The following DKK4 variants were observed in gnomAD, a reference collection of about 807,000 sequenced individuals.
The protein encoded by DKK4 is dickkopf Wnt signaling pathway inhibitor 4.
DKK4 carries 15 observed loss-of-function variants against 14.5 expected under a neutral mutation model. The observed-to-expected ratio is 1.03, with a 90% CI of 0.69 to 1.59. DKK4 has a LOEUF of 1.59. Ranked by LOEUF, DKK4 falls within the 40% of genes most tolerant of loss-of-function variation. DKK4 has a pLI of 0.00. For synonymous variants in DKK4, 89 were observed against 105.2 expected, an observed-to-expected ratio of 0.85 and a Z score of 0.94; for missense variants, 272 against 280.3, an observed-to-expected ratio of 0.97 and a Z score of 0.21.
At chr8:42,379,183 C>T (rs1031856494), upstream of DKK4, among the ~76,000 whole-genome samples, 6 of 147,542 alleles carry the variant, frequency 4.1e-5, no homozygotes, top group East Asian at 4.0e-4. Flanking sequence ...CCTAGGAGAC[C>T]GAGGTTGCAG....
chr8:42,388,519 C>T, the DKK4 span, among the ~76,000 whole-genome samples: 3 of 150,988 alleles, frequency 2.0e-5, no homozygotes, highest in Admixed American at 6.6e-5. Flanking sequence ...TGCAAGGCAC[C>T]GCACCTGGTC....
the DKK4 span, among the ~76,000 whole-genome samples, chr8:42,388,715 C>A: frequency 6.6e-6 from 1 of 151,524 alleles, no homozygotes; most frequent in Admixed American, 6.6e-5. Flanking sequence ...GGACTACAGG[C>A]GCACACCACC....
At chr8:42,384,779 C>CT in the DKK4 span, among the ~76,000 whole-genome samples, 3 of 152,154 alleles carry the variant, frequency 2.0e-5, no homozygotes, top group African/African-American at 7.2e-5. Context: ...CACAAGAATT[C>CT]TGGTTTCAAA....
chr8:42,386,414 A>G, the DKK4 span, among the ~76,000 whole-genome samples: 1 of 152,182 alleles, frequency 6.6e-6, no homozygotes, highest in Non-Finnish European at 1.5e-5. Flanking sequence ...ACCCATGGCT[A>G]TACCACAACC....
At chr8:42,374,707 TG>T in intron 3 of DKK4, 53 bp downstream of exon 3, 1 of 1,609,094 alleles carries the variant, frequency 6.2e-7, no homozygotes, top group Non-Finnish European at 8.5e-7. Flanking sequence ...CTTAAGAGGC[TG>T]GGAGGAGAAA....
At chr8:42,385,522 C>CT in the DKK4 span, among the ~76,000 whole-genome samples, 25 of 152,266 alleles carry the variant, frequency 1.6e-4, no homozygotes, top group African/African-American at 5.5e-4. Flanking sequence ...GGGTGAGGCT[C>CT]TGGGGACACA....
chr8:42,386,067 T>C, the DKK4 span, among the ~76,000 whole-genome samples: 7 of 152,308 alleles, frequency 4.6e-5, no homozygotes, highest in South Asian at 4.1e-4. Flanking sequence ...CTCCCCGGAT[T>C]GGAGGTATAC....
chr8:42,380,661 A>G (rs1328878793), upstream of DKK4, among the ~76,000 whole-genome samples: 2 of 149,032 alleles, frequency 1.3e-5, no homozygotes, highest in Non-Finnish European at 3.0e-5. Context: ...AAAGGAAGGA[A>G]GAAAGGAAGA....
chr8:42,389,660 T>C, the DKK4 span, among the ~76,000 whole-genome samples: 11 of 152,218 alleles, frequency 7.2e-5, no homozygotes, highest in Admixed American at 7.2e-4. Context: ...TCTCTTTTTA[T>C]TTCAAAAAAA....
chr8:42,381,672 G>A (rs1465578701), upstream of DKK4, among the ~76,000 whole-genome samples: 1 of 152,110 alleles, frequency 6.6e-6, no homozygotes, highest in Non-Finnish European at 1.5e-5. Flanking sequence ...AAACCCCACT[G>A]CAATTGCCTA....
the DKK4 span, among the ~76,000 whole-genome samples, chr8:42,391,217 G>C: frequency 2.0e-5 from 3 of 151,934 alleles, no homozygotes; most frequent in African/African-American, 7.3e-5. Context: ...CTTGAAGTCT[G>C]GTCAGTCTGA....
At chr8:42,383,759 A>G in the DKK4 span, among the ~76,000 whole-genome samples, 43 of 152,228 alleles carry the variant, frequency 2.8e-4, no homozygotes, top group Non-Finnish European at 4.4e-4. Context: ...ACTGGCCAAC[A>G]TGGCGAAACC....
rs1824528963 is a variant in DKK4 at position 42,374,900 on chromosome 8, C to T, written c.276G>A (p.Thr92=). The T allele has an allele frequency of 2.5e-6, 4 of 1,614,138 alleles. No homozygotes were observed. The highest frequency in any genetic ancestry group is 1.3e-5 in the African/African-American group (1 of 75,030). ...GTLCVNDVCT[T]MEDATPILER... is the part of the protein sequence containing the mutation. The stretch of plus-strand genomic sequence containing the variant: ...CTAATATTGGGGTTGCATCTTCCAT[C>T]GTAGTACAAACATCTGAGGGACAAC... The change falls in exon 3 of 4, where the codon ACG becomes ACA. Residue 92 remains threonine (T), a synonymous_variant. Coordinates refer to ENST00000220812, the MANE Select transcript of DKK4 (RefSeq NM_014420.3).
At chr8:42,378,045 G>A (rs1824596041), upstream of DKK4, among the ~76,000 whole-genome samples, 1 of 152,148 alleles carries the variant, frequency 6.6e-6, no homozygotes, top group East Asian at 1.9e-4. Context: ...GAAATTTCAT[G>A]TATTTCCAAT....
chr8:42,377,037 C>T lies in DKK4; in HGVS notation c.9G>A (p.Ala3=), dbSNP rs373208637. Residue 3 remains alanine (A), a synonymous_variant, in exon 1 of 4, where the codon GCG becomes GCA. Coordinates refer to ENST00000220812, the MANE Select transcript of DKK4 (RefSeq NM_014420.3). The stretch of plus-strand genomic sequence containing the variant: ...GCCAGCTCAGCCCCAGCAGGACGGC[C>T]GCCACCATCCTTCAATCCCGGGGCT... MV[A]AVLLGLSWLC... 8.7e-6 allele frequency: 14 copies of T among 1,612,492 alleles called. No homozygotes were observed. The highest frequency in any genetic ancestry group is 5.0e-5 in the Admixed American group (3 of 59,986).
the DKK4 span, among the ~76,000 whole-genome samples, chr8:42,386,746 C>T: frequency 6.6e-6 from 1 of 152,202 alleles, no homozygotes; most frequent in Non-Finnish European, 1.5e-5. Flanking sequence ...GCCTCAACTT[C>T]CTGAGGTGCT....
Position 42,375,688 on chromosome 8 carries a change from C to CA in DKK4, c.253dup (p.Cys85LeufsTer21). ...GGCGTTATGTCGCTCACCGTTCACA[C>CA]AGAGTGTCCCAGGGCAGCACATGGC... On this transcript the variant is annotated frameshift_variant, in exon 2 of 4. Coordinates refer to ENST00000220812, the MANE Select transcript of DKK4 (RefSeq NM_014420.3). LOFTEE classifies it high-confidence loss of function. 6.2e-7 allele frequency: 1 copy of CA among 1,613,442 alleles called. No homozygotes were observed. Among genetic ancestry groups the CA allele is most frequent in the Non-Finnish European group, 8.5e-7 (1 of 1,180,014 alleles).
chr8:42,381,563 T>C (rs1352166766), upstream of DKK4, among the ~76,000 whole-genome samples: 1 of 152,164 alleles, frequency 6.6e-6, no homozygotes, highest in African/African-American at 2.4e-5. Flanking sequence ...ACTGACAGAA[T>C]GTGGGCTTTG....
chr8:42,386,045 C>G, the DKK4 span, among the ~76,000 whole-genome samples: 17 of 152,220 alleles, frequency 1.1e-4, no homozygotes, highest in Non-Finnish European at 2.9e-5. Context: ...TCTTCCCAAT[C>G]CCTCTGTCTG....
Sources: allele counts gnomAD v4.1 joint callset (sites outside exome capture counted in the v4.1 genomes callset), GRCh38; gene constraint gnomAD v4.1.1; transcripts MANE v1.5; gene names NCBI Gene and HGNC (gene_info 2026-07-23, HGNC 2026-07-21).